Variants in SPDYE12 observed in about 807,000 individuals in gnomAD.
The protein encoded by SPDYE12 is speedy/RINGO cell cycle regulator family member E12.
chr7:74,906,283 C>A, the SPDYE12 span, among the ~76,000 whole-genome samples: 1 of 142,012 alleles, frequency 7.0e-6, no homozygotes, highest in African/African-American at 3.0e-5. Context: ...CGACCCAGAT[C>A]GGTAACTCAA....
chr7:74,909,306 A>C, the SPDYE12 span, among the ~76,000 whole-genome samples: 2 of 151,192 alleles, frequency 1.3e-5, no homozygotes, highest in South Asian at 2.1e-4. Flanking sequence ...CGCTTGCCTC[A>C]GCCTCCCAAA....
At chr7:74,907,218 G>T in the SPDYE12 span, 2 of 1,233,994 alleles carry the variant, frequency 1.6e-6, no homozygotes, top group Non-Finnish European at 2.2e-6. Context: ...CCACCCTGCA[G>T]AGAGCCATGC....
At chr7:74,908,510 G>A in the SPDYE12 span, among the ~76,000 whole-genome samples, 3 of 102,818 alleles carry the variant, frequency 2.9e-5, no homozygotes, top group East Asian at 3.0e-4. Context: ...ATGGGAACCC[G>A]GAGGAGGCTG....
chr7:74,908,823 G>C, the SPDYE12 span, among the ~76,000 whole-genome samples: 1 of 148,122 alleles, frequency 6.8e-6, no homozygotes, highest in African/African-American at 2.5e-5. Flanking sequence ...ACAGGCGCCC[G>C]CCACCACACC....
chr7:74,910,104 T>C, the SPDYE12 span, among the ~76,000 whole-genome samples: 2 of 146,566 alleles, frequency 1.4e-5, no homozygotes, highest in African/African-American at 5.0e-5. Flanking sequence ...GAGTGGCAGC[T>C]CAAGCCTGTG....
At chr7:74,910,356 CTT>C in the SPDYE12 span, among the ~76,000 whole-genome samples, 1 of 150,430 alleles carries the variant, frequency 6.6e-6, no homozygotes, top group Non-Finnish European at 1.5e-5. Flanking sequence ...GAGCTGGACT[CTT>C]GTCTCAGAAA....
the SPDYE12 span, among the ~76,000 whole-genome samples, chr7:74,910,574 C>G: frequency 6.7e-6 from 1 of 150,032 alleles, no homozygotes; most frequent in African/African-American, 2.4e-5. Flanking sequence ...TTTGTAATCC[C>G]AGCTGCTTGG....
chr7:74,909,744 G>T, the SPDYE12 span: 48 of 1,118,930 alleles, frequency 4.3e-5, no homozygotes, highest in African/African-American at 1.4e-4. Flanking sequence ...CTGTGCTCAT[G>T]TGGAAATTGC....
chr7:74,914,244 A>AT, the SPDYE12 span, among the ~76,000 whole-genome samples: 3 of 21,222 alleles, frequency 1.4e-4, no homozygotes, highest in African/African-American at 4.5e-4. Context: ...TACTGGGTGT[A>AT]CAAAAAGACT....
At chr7:74,908,695 A>T in the SPDYE12 span, among the ~76,000 whole-genome samples, 1 of 79,210 alleles carries the variant, frequency 1.3e-5, no homozygotes, top group Admixed American at 2.0e-4. Flanking sequence ...TTTTTTTGAG[A>T]CGGAGTCTCA....
chr7:74,909,235 G>A, the SPDYE12 span, among the ~76,000 whole-genome samples: 2 of 150,646 alleles, frequency 1.3e-5, no homozygotes, highest in South Asian at 4.2e-4. Flanking sequence ...TCTATTTTTA[G>A]TAGAGACGGG....
At chr7:74,909,454 G>A in the SPDYE12 span, 2 of 1,006,680 alleles carry the variant, frequency 2.0e-6, no homozygotes, top group Admixed American at 1.9e-5. Context: ...ATGAAAGGCT[G>A]GAATCCCACT....
chr7:74,909,399 C>T, the SPDYE12 span: 1 of 1,372,352 alleles, frequency 7.3e-7, no homozygotes, highest in East Asian at 2.3e-5. Flanking sequence ...ATAATCCTGT[C>T]TTTTTTGTAC....
the SPDYE12 span, among the ~76,000 whole-genome samples, chr7:74,908,714 C>G: frequency 3.5e-5 from 4 of 115,878 alleles, no homozygotes; most frequent in Non-Finnish European, 6.6e-5. Context: ...CATTCTGTCG[C>G]CCAGGCTGGA....
the SPDYE12 span, chr7:74,911,030 G>A: frequency 6.0e-5 from 40 of 667,068 alleles, 1 homozygote; most frequent in East Asian, 1.1e-3. Flanking sequence ...ATGGGAGAGG[G>A]GAGAATGACT....
At chr7:74,909,771 C>T in the SPDYE12 span, among the ~76,000 whole-genome samples, 343 of 150,766 alleles carry the variant, frequency 2.3e-3, 8 homozygotes, top group Non-Finnish European at 4.0e-3. Flanking sequence ...GAGGGGTATT[C>T]GAAGGTCGGA....
chr7:74,909,032 GGTTT>G, the SPDYE12 span, among the ~76,000 whole-genome samples: 2 of 30,336 alleles, frequency 6.6e-5, no homozygotes, highest in Non-Finnish European at 6.2e-5. Flanking sequence ...TTTTTTGCCT[GGTTT>G]TTTTTTTTTT....
At chr7:74,909,027 T>G in the SPDYE12 span, among the ~76,000 whole-genome samples, 8 of 139,364 alleles carry the variant, frequency 5.7e-5, no homozygotes, top group Non-Finnish European at 1.1e-4. Context: ...TTGGTTTTTT[T>G]GCCTGGTTTT....
the SPDYE12 span, chr7:74,911,838 G>GCATATTTTTCC: frequency 6.8e-5 from 1 of 14,630 alleles, no homozygotes. Flanking sequence ...ACCCACTGGG[G>GCATATTTTTCC]CATATTTTTC....
Sources: gnomAD v4.1 joint callset for allele counts (sites outside exome capture counted in the v4.1 genomes callset) on GRCh38, gnomAD v4.1.1 for gene constraint, MANE v1.5 for transcripts, NCBI Gene and HGNC (gene_info 2026-07-23, HGNC 2026-07-21) for gene names.